Variants in MRPS35 observed in about 807,000 individuals in gnomAD.
The protein encoded by MRPS35 is small ribosomal subunit protein mS35.
In MRPS35, 29 loss-of-function variants were observed where a neutral mutation model predicts 32.7. That is an observed-to-expected ratio of 0.89 (90% CI 0.66 to 1.21). The LOEUF (loss-of-function observed/expected upper bound fraction) is 1.21, where lower values mean the gene tolerates loss of function less well. Ranked by LOEUF, MRPS35 falls within the 50% of genes most tolerant of loss-of-function variation. MRPS35 has a pLI of 0.00. For missense variants in MRPS35, 373 were observed against 383.8 expected (o/e 0.97, Z 0.23); for synonymous variants, 148 against 139.3 (o/e 1.06, Z -0.44).
intron 3 of MRPS35, among the ~76,000 whole-genome samples, chr12:27,717,237 C>T (rs958555573): frequency 2.0e-5 from 3 of 151,990 alleles, no homozygotes; most frequent in Admixed American, 6.6e-5. Context: ...AATGAAATAA[C>T]CTAATTTGAG....
intron 7 of MRPS35, among the ~76,000 whole-genome samples, chr12:27,745,721 G>A (rs1418614417): frequency 1.4e-5 from 2 of 140,260 alleles, no homozygotes; most frequent in Non-Finnish European, 3.1e-5. Context: ...CCTTCCCCCT[G>A]CCCCCCACAA....
At chr12:27,751,523 C>T (rs1047108754) in intron 7 of MRPS35, among the ~76,000 whole-genome samples, 1 of 152,202 alleles carries the variant, frequency 6.6e-6, no homozygotes, top group Non-Finnish European at 1.5e-5. Context: ...ACCTTTATCT[C>T]GGCGGTTTGC....
chr12:27,719,942 C>A, intron 4 of MRPS35, 74 bp downstream of exon 4: 1 of 1,070,096 alleles, frequency 9.3e-7, no homozygotes, highest in Non-Finnish European at 1.4e-6. Context: ...TTCTGATATA[C>A]TGTATAGCCT....
At position 27,716,416 on chromosome 12, in the gene MRPS35, G is replaced by A. The variant is rs550284619; in HGVS notation, c.279G>A (p.Lys93=). ...LPVRMGYPVK[K]GVPMAKEGNL... is the part of the protein sequence containing the mutation. ...TTCGAATGGGTTATCCAGTAAAAAA[G>A]GGCGTGCCCATGGCAAAGGAGGGAA... Residue 93 remains lysine, a synonymous_variant, in exon 3 of 8, where the codon AAG becomes AAA. Transcript: ENST00000081029. 15 of 1,614,092 alleles carry A rather than the reference G, an allele frequency of 9.3e-6. No individual in the cohort carries two copies. The East Asian group carries it at 3.1e-4, about 34-fold the overall frequency.
chr12:27,728,764 T>C (rs1055755395), intron 5 of MRPS35, among the ~76,000 whole-genome samples: 4 of 152,136 alleles, frequency 2.6e-5, no homozygotes, highest in African/African-American at 7.3e-5. Flanking sequence ...ATTTATCTTG[T>C]AACATTTCCT....
intron 7 of MRPS35, among the ~76,000 whole-genome samples, chr12:27,741,512 G>A (rs1000010454): frequency 1.3e-5 from 2 of 151,930 alleles, no homozygotes; most frequent in African/African-American, 2.4e-5. Context: ...TTAAATTCAT[G>A]GTTTCCCAAT....
intron 1 of MRPS35, among the ~76,000 whole-genome samples, chr12:27,714,285 CTG>C (rs1285983915): frequency 1.3e-5 from 2 of 151,894 alleles, no homozygotes; most frequent in African/African-American, 4.8e-5. Flanking sequence ...ATTCAAATAA[CTG>C]TAGAATTTTC....
intron 5 of MRPS35, among the ~76,000 whole-genome samples, chr12:27,731,345 T>C (rs1462670303): frequency 6.6e-6 from 1 of 152,168 alleles, no homozygotes; most frequent in Non-Finnish European, 1.5e-5. Context: ...AAATATTAAC[T>C]TTTATACTCT....
chr12:27,745,610 G>A (rs1452877543), intron 7 of MRPS35, among the ~76,000 whole-genome samples: 1 of 151,602 alleles, frequency 6.6e-6, no homozygotes, highest in Non-Finnish European at 1.5e-5. Flanking sequence ...GGGTACATGT[G>A]CACAACATGC....
intron 5 of MRPS35, among the ~76,000 whole-genome samples, chr12:27,734,147 T>G (rs890286004): frequency 1.3e-5 from 2 of 152,182 alleles, no homozygotes; most frequent in African/African-American, 4.8e-5. Context: ...CTTGATATAG[T>G]TACAGCTCTT....
chr12:27,734,194 T>C (rs1292582144), intron 5 of MRPS35, among the ~76,000 whole-genome samples: 2 of 152,104 alleles, frequency 1.3e-5, no homozygotes, highest in Non-Finnish European at 2.9e-5. Context: ...GATTAACCTA[T>C]ACTTTACCTT....
intron 5 of MRPS35, among the ~76,000 whole-genome samples, chr12:27,726,087 G>A (rs2061899367): frequency 6.6e-6 from 1 of 151,496 alleles, no homozygotes; most frequent in African/African-American, 2.4e-5. Context: ...TGGGATTACA[G>A]ATGTGAGCCA....
intron 7 of MRPS35, among the ~76,000 whole-genome samples, chr12:27,744,086 C>T (rs2061973245): frequency 6.6e-6 from 1 of 152,222 alleles, no homozygotes; most frequent in Non-Finnish European, 1.5e-5. Context: ...TGTCTGACTT[C>T]TGCTTTGTAT....
intron 2 of MRPS35, among the ~76,000 whole-genome samples, chr12:27,715,925 A>G (rs1294985168): frequency 6.6e-6 from 1 of 152,180 alleles, no homozygotes; most frequent in East Asian, 1.9e-4. Context: ...CCCCTCATGT[A>G]CTACTGACTT....
At position 27,710,837 on chromosome 12, in the gene MRPS35, C is replaced by A. The variant is rs756361941; in HGVS notation, c.-7C>A. 1.2e-6 allele frequency: 2 copies of A among 1,602,386 alleles called. No homozygotes were observed. The highest frequency in any genetic ancestry group is 1.7e-6 in the Non-Finnish European group (2 of 1,178,276). ...CTTGTCCCCTCCGGCTTGCCGTCCT[C>A]GCAGCCATGGCGGCCGCCGCGCTCC... On this transcript the variant is annotated 5_prime_UTR_variant, in exon 1 of 8. Coordinates refer to ENST00000081029, the MANE Select transcript of MRPS35 (RefSeq NM_021821.4).
chr12:27,715,763 A>G (rs1413818855), intron 2 of MRPS35, among the ~76,000 whole-genome samples: 2 of 152,228 alleles, frequency 1.3e-5, no homozygotes, highest in Non-Finnish European at 2.9e-5. Flanking sequence ...ATTTGATGCC[A>G]TTAAAAATAA....
chr12:27,731,539 C>G (rs2061922014), intron 5 of MRPS35, among the ~76,000 whole-genome samples: 1 of 152,042 alleles, frequency 6.6e-6, no homozygotes, highest in African/African-American at 2.4e-5. Flanking sequence ...GTTTCAGTAT[C>G]AGGGCTGTAC....
chr12:27,737,575 G>A lies in MRPS35; in HGVS notation c.669G>A (p.Val223=), dbSNP rs149243938. ...PLRRQNYDYA[V]YLLTVLYHES... is the part of the protein sequence containing the mutation. ...GGAGGCAGAATTACGATTATGCAGT[G>A]TATCTACTAACAGTGTTATACCATG... The change falls in exon 7 of 8, where the codon GTG becomes GTA. Residue 223 remains valine, a synonymous_variant. Coordinates refer to ENST00000081029, the MANE Select transcript of MRPS35 (RefSeq NM_021821.4). 1.2e-4 allele frequency: 194 copies of A among 1,611,910 alleles called. 2 individuals carry two copies. The African/African-American group carries it at 2.2e-3, about 18-fold the overall frequency.
chr12:27,714,779 G>A lies in MRPS35; in HGVS notation c.113-1G>A, dbSNP rs771760529. ...ACTACTGTGTTATCTTTTACGTACA[G>A]CGGAAAGAACACCCGGAAATGAAAG... On this transcript the variant is annotated splice_acceptor_variant, in intron 1 of 7. Transcript: ENST00000081029. LOFTEE classifies it high-confidence loss of function. 6 of 1,609,422 alleles carry A rather than the reference G, an allele frequency of 3.7e-6. No homozygotes were observed. Among genetic ancestry groups the A allele is most frequent in the Non-Finnish European group, 5.1e-6 (6 of 1,176,192 alleles).
Sources: gnomAD v4.1 joint callset for allele counts (sites outside exome capture counted in the v4.1 genomes callset) on GRCh38, gnomAD v4.1.1 for gene constraint, MANE v1.5 for transcripts, NCBI Gene and HGNC (gene_info 2026-07-23, HGNC 2026-07-21) for gene names.